Variants in SMYD3 observed in about 807,000 individuals in gnomAD.
The protein encoded by SMYD3 is SET and MYND domain containing 3.
A neutral mutation model predicts 57.7 loss-of-function variants in SMYD3; 36 were observed. That is an observed-to-expected ratio of 0.62 (90% confidence interval 0.48 to 0.82). The LOEUF is 0.82. Among genes scored for constraint, SMYD3 ranks in the 40% least tolerant of loss-of-function variants. The probability of loss-of-function intolerance (pLI) is 0.00; values close to 1 mark genes in which losing one functional copy is unlikely to be tolerated. For missense variants in SMYD3, 515 were observed against 538.8 expected (o/e 0.96, Z 0.44); for synonymous variants, 211 against 195.0 (o/e 1.08, Z -0.68).
intron 5 of SMYD3, among the ~76,000 whole-genome samples, chr1:246,114,290 TAAAC>T (rs1309632075): frequency 6.6e-6 from 1 of 152,040 alleles, no homozygotes; most frequent in Non-Finnish European, 1.5e-5. Flanking sequence ...GACTGGGAAA[TAAAC>T]AAAAGGACTG....
At chr1:246,056,485 T>G (rs561703156) in intron 5 of SMYD3, among the ~76,000 whole-genome samples, 2 of 152,100 alleles carry the variant, frequency 1.3e-5, no homozygotes, top group South Asian at 4.2e-4. Context: ...TCACACGAGA[T>G]TAAGTGGCAA....
chr1:246,153,544 T>C (rs893650112), intron 5 of SMYD3, among the ~76,000 whole-genome samples: 3 of 152,216 alleles, frequency 2.0e-5, no homozygotes, highest in African/African-American at 7.2e-5. Context: ...CATAGCTCAC[T>C]ACAGCCTTGA....
intron 5 of SMYD3, among the ~76,000 whole-genome samples, chr1:246,081,027 A>T (rs1191835142): frequency 6.7e-6 from 1 of 148,590 alleles, no homozygotes; most frequent in Non-Finnish European, 1.5e-5. Context: ...CAATACAGAT[A>T]AGTTACCACT....
intron 5 of SMYD3, among the ~76,000 whole-genome samples, chr1:245,984,973 C>T (rs2058673675): frequency 6.6e-6 from 1 of 152,130 alleles, no homozygotes; most frequent in Non-Finnish European, 1.5e-5. Flanking sequence ...CACGACCCCA[C>T]ATGAACTTAA....
At chr1:245,837,611 G>A (rs1191789806) in intron 10 of SMYD3, among the ~76,000 whole-genome samples, 1 of 152,126 alleles carries the variant, frequency 6.6e-6, no homozygotes, top group Non-Finnish European at 1.5e-5. Context: ...GGAGACTTTA[G>A]CCTTCCCAAA....
At chr1:245,978,207 C>T (rs1345371837) in intron 5 of SMYD3, among the ~76,000 whole-genome samples, 2 of 152,206 alleles carry the variant, frequency 1.3e-5, no homozygotes, top group African/African-American at 4.8e-5. Flanking sequence ...CCTAGTTCTA[C>T]TATTTATGCT....
chr1:246,280,722 A>T (rs1024053221), intron 5 of SMYD3, among the ~76,000 whole-genome samples: 17 of 152,224 alleles, frequency 1.1e-4, no homozygotes, highest in African/African-American at 3.6e-4. Context: ...ACAGAGAATT[A>T]AAAAAACACT....
intron 5 of SMYD3, among the ~76,000 whole-genome samples, chr1:246,316,186 C>CT (rs959553223): frequency 5.9e-5 from 9 of 152,082 alleles, no homozygotes; most frequent in Non-Finnish European, 8.8e-5. Flanking sequence ...AAAATTTTAT[C>CT]TTTATGTTTC....
At chr1:246,255,176 T>G (rs1462822884) in intron 5 of SMYD3, among the ~76,000 whole-genome samples, 2 of 151,962 alleles carry the variant, frequency 1.3e-5, no homozygotes, top group East Asian at 3.9e-4. Context: ...TGAATAGGAG[T>G]GGTAAGAGTG....
At chr1:245,802,643 A>C (rs982540687) in intron 10 of SMYD3, among the ~76,000 whole-genome samples, 3 of 152,118 alleles carry the variant, frequency 2.0e-5, no homozygotes, top group African/African-American at 4.8e-5. Context: ...AGCTTTCTGG[A>C]TAATAAGGTG....
chr1:246,341,599 T>C (rs2065634447), intron 2 of SMYD3, among the ~76,000 whole-genome samples: 1 of 152,240 alleles, frequency 6.6e-6, no homozygotes, highest in Non-Finnish European at 1.5e-5. Flanking sequence ...AAGTAGACTC[T>C]CACAATTCTT....
intron 4 of SMYD3, among the ~76,000 whole-genome samples, chr1:246,328,455 G>C (rs1280192239): frequency 1.3e-5 from 2 of 152,098 alleles, no homozygotes; most frequent in African/African-American, 4.8e-5. Flanking sequence ...CATGGTAACA[G>C]ATGTTATTTA....
At chr1:246,104,954 A>C (rs1267926714) in intron 5 of SMYD3, among the ~76,000 whole-genome samples, 1 of 152,220 alleles carries the variant, frequency 6.6e-6, no homozygotes, top group Non-Finnish European at 1.5e-5. Context: ...AAGAGATCTC[A>C]GTCAAGACCC....
At chr1:246,109,596 G>C (rs931935891) in intron 5 of SMYD3, among the ~76,000 whole-genome samples, 1 of 152,180 alleles carries the variant, frequency 6.6e-6, no homozygotes, top group African/African-American at 2.4e-5. Flanking sequence ...TGGCTTCCAA[G>C]AAAGCCATTA....
At chr1:246,033,839 A>G (rs973654718) in intron 5 of SMYD3, among the ~76,000 whole-genome samples, 21 of 152,172 alleles carry the variant, frequency 1.4e-4, no homozygotes, top group African/African-American at 4.8e-4. Context: ...TTTAAATGTC[A>G]GTGTTCTGGT....
chr1:246,131,180 C>G (rs12132227), intron 5 of SMYD3, among the ~76,000 whole-genome samples: 71,067 of 152,074 alleles, frequency 0.47, 20,672 homozygotes, highest in Non-Finnish European at 0.66. Flanking sequence ...ATTCCCAACA[C>G]ACATACATTT....
Position 246,286,065 on chromosome 1 carries a change from A to G in SMYD3, c.531+41136T>C, listed in dbSNP as rs887300792. ...GGGAATGTAAACCAGTACAACCACT[A>G]TGGAAAACAGTGTGGAGATTCCTTA... On this transcript the variant is annotated intron_variant, in intron 5 of 11. Transcript: ENST00000490107. Among the ~76,000 whole-genome samples, 6 of 152,192 alleles carry G rather than the reference A, an allele frequency of 3.9e-5. No individual in the cohort carries two copies. The South Asian group carries it at 6.2e-4, about 16-fold the overall frequency.
At chr1:246,279,163 C>A (rs958449459) in intron 5 of SMYD3, among the ~76,000 whole-genome samples, 1 of 152,212 alleles carries the variant, frequency 6.6e-6, no homozygotes, top group African/African-American at 2.4e-5. Context: ...CACCCCTTGG[C>A]TCTAAGTGGC....
rs1007512650 is a variant in SMYD3 at position 246,355,071 on chromosome 1, G to A, written c.188C>T (p.Ser63Phe). ...ACAGTATTTGGCGACGCGGCACTGAGAGCATCGCATCAGCTTTTCCTTCCT... is the reference window on the plus strand; with the variant it reads ...ACAGTATTTGGCGACGCGGCACTGAAAGCATCGCATCAGCTTTTCCTTCCT... Reference protein sequence around the residue: ...LLGKEKLMRCSQCRVAKYCSA... With the variant: ...LLGKEKLMRCFQCRVAKYCSA... Residue 63 changes from serine (S) to phenylalanine (F), a missense_variant, in exon 2 of 12, where the codon TCT (serine) becomes TTT (phenylalanine). By Grantham distance (155) the Ser-to-Phe change is radical. Transcript: ENST00000490107. This position sits in a 1 kb window ranked among gnomAD's most constrained non-coding sequence, Gnocchi z 5.0. 3 of 1,614,072 alleles carry A rather than the reference G, an allele frequency of 1.9e-6. No individual in the cohort carries two copies. Among genetic ancestry groups the A allele is most frequent in the Non-Finnish European group, 2.5e-6 (3 of 1,180,050 alleles).
Sources: allele counts gnomAD v4.1 joint callset (sites outside exome capture counted in the v4.1 genomes callset), GRCh38; gene constraint gnomAD v4.1.1; non-coding constraint Gnocchi (gnomAD v3.1); transcripts MANE v1.5; gene names NCBI Gene and HGNC (gene_info 2026-07-23, HGNC 2026-07-21).